PTPRD: variants seen among roughly 807,000 people sequenced by gnomAD.
PTPRD encodes receptor-type tyrosine-protein phosphatase delta.
PTPRD carries 34 observed loss-of-function variants against 214.5 expected under a neutral mutation model. The ratio of observed to expected loss-of-function variants is 0.16; its 90% CI spans 0.12 to 0.21. The LOEUF is 0.21. PTPRD is among the 10% of genes least tolerant of loss of function. The probability of loss-of-function intolerance (pLI) is 1.00; values close to 1 mark genes in which losing one functional copy is unlikely to be tolerated. For missense variants in PTPRD, 2,545 were observed against 2,398.7 expected, an observed-to-expected ratio of 1.06 and a Z score of -1.27; for synonymous variants, 1,128 against 845.7, an observed-to-expected ratio of 1.33 and a Z score of -5.79.
At chr9:9,529,405 A>C (rs1012063516) in intron 8 of PTPRD, among the ~76,000 whole-genome samples, 2 of 152,204 alleles carry the variant, frequency 1.3e-5, no homozygotes, top group Non-Finnish European at 2.9e-5. Context: ...TAAAGGACAT[A>C]GCACTAGTAT....
At chr9:9,412,181 GT>G (rs2075663916) in intron 8 of PTPRD, among the ~76,000 whole-genome samples, 1 of 151,992 alleles carries the variant, frequency 6.6e-6, no homozygotes, top group East Asian at 1.9e-4. Context: ...CCTAGAGTCA[GT>G]TTCTGTTTTA....
At chr9:8,844,163 T>C (rs1325363940) in intron 11 of PTPRD, among the ~76,000 whole-genome samples, 1 of 152,198 alleles carries the variant, frequency 6.6e-6, no homozygotes, top group African/African-American at 2.4e-5. Flanking sequence ...ATTTCCCCTT[T>C]ATCTACATTA....
chr9:9,825,633 C>T (rs1026880887), intron 5 of PTPRD, among the ~76,000 whole-genome samples: 3 of 151,858 alleles, frequency 2.0e-5, no homozygotes, highest in Non-Finnish European at 4.4e-5. Flanking sequence ...GAAGCTTATT[C>T]TACGGGGTAT....
chr9:9,002,018 G>T (rs2099423263), intron 11 of PTPRD, among the ~76,000 whole-genome samples: 1 of 150,098 alleles, frequency 6.7e-6, no homozygotes, highest in African/African-American at 2.5e-5. Context: ...GGGGTGGGGG[G>T]GTGTTGGGAG....
intron 8 of PTPRD, among the ~76,000 whole-genome samples, chr9:9,457,649 A>G (rs1313847263): frequency 6.6e-6 from 1 of 152,074 alleles, no homozygotes; most frequent in Non-Finnish European, 1.5e-5. Context: ...GACATGTTCC[A>G]ATATACAGTT....
At chr9:8,867,969 C>T (rs987795845) in intron 11 of PTPRD, among the ~76,000 whole-genome samples, 14 of 152,088 alleles carry the variant, frequency 9.2e-5, no homozygotes, top group African/African-American at 3.4e-4. Flanking sequence ...ACAAGCACAT[C>T]CCATTTTTTC....
chr9:9,470,131 G>T (rs375847836), intron 8 of PTPRD, among the ~76,000 whole-genome samples: 38 of 152,144 alleles, frequency 2.5e-4, no homozygotes, highest in African/African-American at 9.2e-4. Flanking sequence ...GTCACAGTGG[G>T]TTGAATGAAC....
chr9:10,405,966 T>C (rs897586946), intron 2 of PTPRD, among the ~76,000 whole-genome samples: 1 of 151,448 alleles, frequency 6.6e-6, no homozygotes, highest in Non-Finnish European at 1.5e-5. Flanking sequence ...TCAATGTATA[T>C]TATTATGTGA....
chr9:8,978,606 G>A (rs1333755208), intron 11 of PTPRD, among the ~76,000 whole-genome samples: 2 of 152,212 alleles, frequency 1.3e-5, no homozygotes, highest in African/African-American at 4.8e-5. Flanking sequence ...TAAGGGTTTC[G>A]TGGATGCAGC....
At chr9:9,714,454 A>G (rs1309771106) in intron 7 of PTPRD, among the ~76,000 whole-genome samples, 1 of 152,186 alleles carries the variant, frequency 6.6e-6, no homozygotes, top group Non-Finnish European at 1.5e-5. Flanking sequence ...TGGCATACAC[A>G]TATACAAAAT....
At chr9:10,225,210 T>A (rs1046721671) in intron 3 of PTPRD, among the ~76,000 whole-genome samples, 3 of 151,894 alleles carry the variant, frequency 2.0e-5, no homozygotes, top group Non-Finnish European at 4.4e-5. Context: ...TAGTAGTTTA[T>A]AGTAAAAAGA....
chr9:10,501,131 G>A lies in PTPRD; in HGVS notation c.-600+111267C>T, dbSNP rs576959769. 9.5e-4 allele frequency among the ~76,000 whole-genome samples: 145 copies of A among 151,988 alleles called. 1 individual carries two copies. The highest frequency in any genetic ancestry group is 2.5e-3 in the African/African-American group (102 of 41,496). On this transcript the variant is annotated intron_variant, in intron 2 of 45. Transcript: ENST00000381196. ...GAACTTCCAAATTGTTCTTCTTAGT[G>A]GTTGTACTAATTTACATTCCCACCA...
intron 2 of PTPRD, among the ~76,000 whole-genome samples, chr9:10,569,874 G>C (rs756559272): frequency 6.6e-6 from 1 of 151,974 alleles, no homozygotes; most frequent in Non-Finnish European, 1.5e-5. Context: ...TTTCCAAATA[G>C]TAAATACTGC....
At chr9:8,437,522 A>C (rs2095402209) in intron 34 of PTPRD, among the ~76,000 whole-genome samples, 1 of 152,186 alleles carries the variant, frequency 6.6e-6, no homozygotes, top group Admixed American at 6.5e-5. Context: ...ATCAGACACC[A>C]AACTGAGCTT....
intron 7 of PTPRD, among the ~76,000 whole-genome samples, chr9:9,627,487 A>G (rs1372940376): frequency 1.3e-5 from 2 of 152,196 alleles, no homozygotes; most frequent in African/African-American, 4.8e-5. Flanking sequence ...TTCTCTAAAA[A>G]GTAACTACAT....
At chr9:8,991,780 C>T (rs2099367961) in intron 11 of PTPRD, among the ~76,000 whole-genome samples, 2 of 152,186 alleles carry the variant, frequency 1.3e-5, no homozygotes, top group Admixed American at 6.5e-5. Flanking sequence ...TATACATTTG[C>T]TAGTTCATAA....
chr9:10,131,602 C>T (rs1042710277), intron 3 of PTPRD, among the ~76,000 whole-genome samples: 1 of 152,026 alleles, frequency 6.6e-6, no homozygotes, highest in Non-Finnish European at 1.5e-5. Context: ...TATTAAATAC[C>T]TCCCATTATT....
At position 8,584,092 on chromosome 9, in the gene PTPRD, T is replaced by C. The variant is rs535540068; in HGVS notation, c.352+49225A>G. On this transcript the variant is annotated intron_variant, in intron 14 of 45. Coordinates refer to ENST00000381196, the MANE Select transcript of PTPRD (RefSeq NM_002839.4). ...TCACCTGAGCCTGGTAGTTCGAGGC[T>C]GTAGTGAGCCATGATTGTGCCACTG... Among the ~76,000 whole-genome samples, 15 of 152,268 alleles carry C rather than the reference T, an allele frequency of 9.9e-5. No homozygotes were observed. In the South Asian group the frequency reaches 3.1e-3, roughly 32 times the overall value.
rs1162380651 is a variant in PTPRD at position 8,314,829 on chromosome 9, T to C, written c.*3045A>G. On this transcript the variant is annotated 3_prime_UTR_variant, in exon 46 of 46. Coordinates refer to ENST00000381196, the MANE Select transcript of PTPRD (RefSeq NM_002839.4). ...GGGTTCAAGTAATATCATTATTGGG[T>C]GTAGAATCAATAGGGCAGTGCATAG... The C allele has an allele frequency of 4.3e-6, 1 of 232,318 alleles. No homozygotes were observed. Among genetic ancestry groups the C allele is most frequent in the Non-Finnish European group, 8.5e-6 (1 of 117,274 alleles). 14.4% of individuals were successfully genotyped at this position (232,318 alleles called of 1,614,324 possible). A position where few individuals can be genotyped will look rare whatever the true frequency, so the allele number is the denominator to read the frequency against.
Sources: allele counts gnomAD v4.1 joint callset (sites outside exome capture counted in the v4.1 genomes callset), GRCh38; gene constraint gnomAD v4.1.1; transcripts MANE v1.5; gene names NCBI Gene and HGNC (gene_info 2026-07-23, HGNC 2026-07-21).